The following KIRREL3 variants were observed in gnomAD, a reference collection of about 807,000 sequenced individuals.
The protein encoded by KIRREL3 is kirre like nephrin family adhesion molecule 3, also known as kin of IRRE-like protein 3.
A neutral mutation model predicts 89.7 loss-of-function variants in KIRREL3; 36 were observed. The observed-to-expected ratio is 0.40, with a 90% confidence interval of 0.31 to 0.53. KIRREL3 has a LOEUF of 0.53. Among genes scored for constraint, KIRREL3 ranks in the 20% least tolerant of loss-of-function variants. The pLI, the probability that KIRREL3 is intolerant of heterozygous loss-of-function variation, is 0.49. For synonymous variants in KIRREL3, 445 were observed against 441.4 expected (o/e 1.01, Z -0.10); for missense variants, 864 against 1,056.6 (o/e 0.82, Z 2.53).
chr11:126,485,197 G>A lies in KIRREL3; in HGVS notation c.434-11731C>T, dbSNP rs1957325749. 6.6e-6 allele frequency among the ~76,000 whole-genome samples: 1 copy of A among 152,174 alleles called. No individual in the cohort carries two copies. The highest frequency in any genetic ancestry group is 1.5e-5 in the Non-Finnish European group (1 of 68,036). On this transcript the variant is annotated intron_variant, in intron 4 of 16. Coordinates refer to ENST00000525144, the MANE Select transcript of KIRREL3 (RefSeq NM_032531.4). This position sits in a 1 kb window ranked among gnomAD's most constrained non-coding sequence, Gnocchi z 5.8. ...CACAGACGTGTCTCCAAGGAGGTTGGGGACAGAGAGAAAAGAGGAACAAGG... is the reference window on the plus strand; with the variant it reads ...CACAGACGTGTCTCCAAGGAGGTTGAGGACAGAGAGAAAAGAGGAACAAGG...
chr11:126,763,112 T>C lies in KIRREL3; in HGVS notation c.56-200200A>G, dbSNP rs1404761089. Among the ~76,000 whole-genome samples, 1 of 152,180 alleles carries C rather than the reference T, an allele frequency of 6.6e-6. No homozygotes were observed. Among genetic ancestry groups the C allele is most frequent in the Non-Finnish European group, 1.5e-5 (1 of 68,038 alleles). ...TTCCAAACACATTCCTATCCTCGTC[T>C]GGCATTGAGAGAAGAGTGCAGGACT... is the stretch of plus-strand genomic sequence containing the variant. On this transcript the variant is annotated intron_variant, in intron 1 of 16. Coordinates refer to ENST00000525144, the MANE Select transcript of KIRREL3 (RefSeq NM_032531.4). The surrounding 1 kb of genome is among the most constrained non-coding windows in gnomAD (Gnocchi z 4.7).
chr11:126,493,499 C>G (rs192980589), intron 4 of KIRREL3, among the ~76,000 whole-genome samples: 6 of 152,024 alleles, frequency 3.9e-5, no homozygotes, highest in Admixed American at 3.9e-4. Flanking sequence ...ACTAAAAATA[C>G]AAAAAACTAG....
Position 126,903,343 on chromosome 11 carries a change from T to C in KIRREL3, c.55+97112A>G, listed in dbSNP as rs1309534920. Among the ~76,000 whole-genome samples the C allele has an allele frequency of 6.6e-6, 1 of 152,176 alleles. No homozygotes were observed. Among genetic ancestry groups the C allele is most frequent in the African/African-American group, 2.4e-5 (1 of 41,450 alleles). ...TGGGTTAACAATGCAGGGATCATAG[T>C]TGCACAATTATTAAAAAGAGGCCAC... On this transcript the variant is annotated intron_variant, in intron 1 of 16. Transcript: ENST00000525144. The surrounding 1 kb of genome is among the most constrained non-coding windows in gnomAD (Gnocchi z 4.5).
intron 4 of KIRREL3, among the ~76,000 whole-genome samples, chr11:126,502,107 G>A (rs75287035): frequency 0.013 from 2,037 of 152,214 alleles, 46 homozygotes; most frequent in African/African-American, 0.047. Context: ...CAGATACTCC[G>A]GAAGCTAACC....
chr11:126,590,336 C>T (rs761905955), intron 1 of KIRREL3, among the ~76,000 whole-genome samples: 1 of 152,200 alleles, frequency 6.6e-6, no homozygotes, highest in African/African-American at 2.4e-5. Context: ...TAAGATTACA[C>T]CCACTTTCCT....
chr11:126,707,980 A>G (rs1565666428), intron 1 of KIRREL3, among the ~76,000 whole-genome samples: 1 of 151,984 alleles, frequency 6.6e-6, no homozygotes, highest in Non-Finnish European at 1.5e-5. Context: ...GCAGTATTAC[A>G]TGGGGTAGCG....
At chr11:126,626,923 G>A (rs762096868) in intron 1 of KIRREL3, among the ~76,000 whole-genome samples, 5 of 151,908 alleles carry the variant, frequency 3.3e-5, no homozygotes, top group African/African-American at 7.3e-5. Flanking sequence ...CAGGAGAATC[G>A]CTTGAACCCA....
Position 126,898,739 on chromosome 11 carries a change from C to T in KIRREL3, c.55+101716G>A, listed in dbSNP as rs531101387. Among the ~76,000 whole-genome samples the T allele has an allele frequency of 3.3e-5, 5 of 151,688 alleles. No homozygotes were observed. The highest frequency in any genetic ancestry group is 2.1e-4 in the South Asian group (1 of 4,818). On this transcript the variant is annotated intron_variant, in intron 1 of 16. Coordinates refer to ENST00000525144, the MANE Select transcript of KIRREL3 (RefSeq NM_032531.4). This position sits in a 1 kb window ranked among gnomAD's most constrained non-coding sequence, Gnocchi z 4.9. ...GGGAAATGGAAGTGAGGACCAGAGA[C>T]GAAGATGGAAAATATAAAAAAAGAG...
rs1231817091 is a variant in KIRREL3, at chr11:126,492,726, T to A, written c.434-19260A>T. Among the ~76,000 whole-genome samples the A allele has an allele frequency of 6.6e-6, 1 of 152,066 alleles. No homozygotes were observed. The highest frequency in any genetic ancestry group is 1.5e-5 in the Non-Finnish European group (1 of 68,026). On this transcript the variant is annotated intron_variant, in intron 4 of 16. Transcript: ENST00000525144. The surrounding 1 kb of genome is among the most constrained non-coding windows in gnomAD (Gnocchi z 4.8). ...GCCTCAGTGACTGTTAATGGTGAAA[T>A]ATCAAGATGCTGAGGGGGCTCTGAG...
chr11:126,867,227 C>T lies in KIRREL3; in HGVS notation c.55+133228G>A. Among the ~76,000 whole-genome samples, 1 of 152,236 alleles carries T rather than the reference C, an allele frequency of 6.6e-6. No individual in the cohort carries two copies. The highest frequency in any genetic ancestry group is 1.5e-5 in the Non-Finnish European group (1 of 68,046). ...GGGCATCTATGCAGCGAGCCACACT[C>T]CTATCACACAGCCTGCCATGGGGAT... On this transcript the variant is annotated intron_variant, in intron 1 of 16. Coordinates refer to ENST00000525144, the MANE Select transcript of KIRREL3 (RefSeq NM_032531.4). This position sits in a 1 kb window ranked among gnomAD's most constrained non-coding sequence, Gnocchi z 4.7.
rs907822311 is a variant in KIRREL3 at position 126,664,962 on chromosome 11, T to C, written c.56-102050A>G. Among the ~76,000 whole-genome samples, 4 of 152,198 alleles carry C rather than the reference T, an allele frequency of 2.6e-5. No individual in the cohort carries two copies. The East Asian group carries it at 7.7e-4, about 29-fold the overall frequency. On this transcript the variant is annotated intron_variant, in intron 1 of 16. Coordinates refer to ENST00000525144, the MANE Select transcript of KIRREL3 (RefSeq NM_032531.4). The surrounding 1 kb of genome is among the most constrained non-coding windows in gnomAD (Gnocchi z 5.4). ...TCTTACTCTGCAGCCTTCGACACAT[T>C]ATTCATAACATGATGATTATTTTGG... is the stretch of plus-strand genomic sequence containing the variant.
chr11:126,703,312 G>A lies in KIRREL3; in HGVS notation c.56-140400C>T, dbSNP rs191622981. Among the ~76,000 whole-genome samples, 1 of 152,258 alleles carries A rather than the reference G, an allele frequency of 6.6e-6. No individual in the cohort carries two copies. Among genetic ancestry groups the A allele is most frequent in the Admixed American group, 6.5e-5 (1 of 15,290 alleles). ...TGGTCTGCGGAGGAATGGTGCTCCT[G>A]AGAGCTGTTCTCTGCAGCAGCTTTG... On this transcript the variant is annotated intron_variant, in intron 1 of 16. Transcript: ENST00000525144. This position sits in a 1 kb window ranked among gnomAD's most constrained non-coding sequence, Gnocchi z 4.6.
chr11:126,714,936 A>C lies in KIRREL3; in HGVS notation c.56-152024T>G, dbSNP rs539720456. ...TGATCAGCGGAGTTTTACTTACATGAACTTTCCTCCTGCTTCCCCATCCCA... is the reference window on the plus strand; with the variant it reads ...TGATCAGCGGAGTTTTACTTACATGCACTTTCCTCCTGCTTCCCCATCCCA... On this transcript the variant is annotated intron_variant, in intron 1 of 16. Transcript: ENST00000525144. 1.1e-3 allele frequency among the ~76,000 whole-genome samples: 161 copies of C among 152,226 alleles called. 2 individuals carry two copies. The South Asian group carries it at 0.024, about 23-fold the overall frequency.
At chr11:126,803,353 T>A (rs537051883) in intron 1 of KIRREL3, among the ~76,000 whole-genome samples, 2 of 152,066 alleles carry the variant, frequency 1.3e-5, no homozygotes, top group Non-Finnish European at 2.9e-5. Flanking sequence ...GGAAACCGTG[T>A]GTACAAAAGC....
In KIRREL3 at chr11:126,755,361, T is replaced by C. The variant is rs980616470; in HGVS notation, c.56-192449A>G. Among the ~76,000 whole-genome samples, 25 of 152,048 alleles carry C rather than the reference T, an allele frequency of 1.6e-4. No homozygotes were observed. The highest frequency in any genetic ancestry group is 6.0e-4 in the African/African-American group (25 of 41,374). On this transcript the variant is annotated intron_variant, in intron 1 of 16. Transcript: ENST00000525144. This position sits in a 1 kb window ranked among gnomAD's most constrained non-coding sequence, Gnocchi z 4.3. ...CCATGAAGTCCTGAAGTGCAGGTAA[T>C]CGTGTTTAAAAAGATAGGGAACATG... is the stretch of plus-strand genomic sequence containing the variant.
At chr11:126,548,674 G>T (rs1939012964) in intron 2 of KIRREL3, among the ~76,000 whole-genome samples, 1 of 152,230 alleles carries the variant, frequency 6.6e-6, no homozygotes, top group South Asian at 2.1e-4. Context: ...CTTGCTTAGG[G>T]CCTGCTTCCA....
At chr11:126,728,853 C>T (rs1219478747) in intron 1 of KIRREL3, among the ~76,000 whole-genome samples, 1 of 152,234 alleles carries the variant, frequency 6.6e-6, no homozygotes, top group African/African-American at 2.4e-5. Flanking sequence ...CTGAGCTTGC[C>T]TCCCTGAATT....
At chr11:126,540,259 C>T (rs770063635) in intron 2 of KIRREL3, among the ~76,000 whole-genome samples, 1 of 152,204 alleles carries the variant, frequency 6.6e-6, no homozygotes, top group Non-Finnish European at 1.5e-5. Flanking sequence ...TTGCCAGTCT[C>T]ATGAACATTA....
intron 2 of KIRREL3, among the ~76,000 whole-genome samples, chr11:126,546,395 C>G (rs759352335): frequency 1.3e-5 from 2 of 152,216 alleles, no homozygotes; most frequent in Non-Finnish European, 2.9e-5. Context: ...CACCAGTCCA[C>G]CCTGGACAGC....
Sources: allele counts gnomAD v4.1 joint callset (sites outside exome capture counted in the v4.1 genomes callset), GRCh38; gene constraint gnomAD v4.1.1; non-coding constraint Gnocchi (gnomAD v3.1); transcripts MANE v1.5; gene names NCBI Gene and HGNC (gene_info 2026-07-23, HGNC 2026-07-21).